Variants in GNA12 observed in about 807,000 individuals in gnomAD.
The protein encoded by GNA12 is G protein subunit alpha 12.
A neutral mutation model predicts 26.0 loss-of-function variants in GNA12; 9 were observed. That is an observed-to-expected ratio of 0.35 (90% CI 0.21 to 0.60). The LOEUF (loss-of-function observed/expected upper bound fraction) is 0.60, where lower values mean the gene tolerates loss of function less well. GNA12 is among the 20% of genes least tolerant of loss of function. The pLI is 0.78. For synonymous variants in GNA12, 264 were observed against 219.6 expected (o/e 1.20, Z -1.79); for missense variants, 405 against 525.8 (o/e 0.77, Z 2.25).
At chr7:2,839,442 G>A (rs1479582580) in intron 1 of GNA12, among the ~76,000 whole-genome samples, 2 of 152,126 alleles carry the variant, frequency 1.3e-5, no homozygotes, top group Admixed American at 6.5e-5. Flanking sequence ...GGAGTACAGT[G>A]GCGTGCTCTC....
intron 2 of GNA12, among the ~76,000 whole-genome samples, chr7:2,767,356 G>GT (rs1791833513): frequency 6.6e-6 from 1 of 152,026 alleles, no homozygotes; most frequent in South Asian, 2.1e-4. Context: ...TCTTCTAGGA[G>GT]TTTTAGTTTT....
intron 1 of GNA12, among the ~76,000 whole-genome samples, chr7:2,838,866 C>G (rs1369887969): frequency 1.3e-5 from 2 of 152,032 alleles, no homozygotes; most frequent in Non-Finnish European, 2.9e-5. Context: ...ATTTATGCAC[C>G]ACACAACAGA....
rs1244528880 is a variant in GNA12, at chr7:2,729,633, AGG to A, written c.*1546_*1547del. On this transcript the variant is annotated 3_prime_UTR_variant, in exon 4 of 4. Coordinates refer to ENST00000275364, the MANE Select transcript of GNA12 (RefSeq NM_007353.3). Reference sequence around the variant, plus strand: ...TACCGGGTTTGCGGAAAACAAGCCAAGGGTGAGCTGCAGAGGGGCTCGGGGCT... The same window carrying A: ...TACCGGGTTTGCGGAAAACAAGCCAAGTGAGCTGCAGAGGGGCTCGGGGCT... The A allele has an allele frequency of 6.6e-6, 1 of 152,174 alleles. No individual in the cohort carries two copies. The highest frequency in any genetic ancestry group is 2.4e-5 in the African/African-American group (1 of 41,264). The allele number at this position is 152,174 out of a possible 1,614,324, so 9.4% of individuals were successfully genotyped here. A position where few individuals can be genotyped will look rare whatever the true frequency, so the allele number is the denominator to read the frequency against.
At position 2,729,354 on chromosome 7, in the gene GNA12, C is replaced by T. The variant is rs747258901; in HGVS notation, c.*1827G>A. On this transcript the variant is annotated 3_prime_UTR_variant, in exon 4 of 4. Transcript: ENST00000275364. The stretch of plus-strand genomic sequence containing the variant: ...CAGGAGCTCTCTTTCTCCTTTAAAA[C>T]GTGGTCATCGGCACTCATCTCCGGT... 5.9e-5 allele frequency: 9 copies of T among 152,492 alleles called. No homozygotes were observed. Among genetic ancestry groups the T allele is most frequent in the Admixed American group, 2.0e-4 (3 of 15,306 alleles). The allele number at this position is 152,492 out of a possible 1,614,324, so 9.4% of individuals were successfully genotyped here. A position where few individuals can be genotyped will look rare whatever the true frequency, so the allele number is the denominator to read the frequency against.
intron 2 of GNA12, chr7:2,762,549 G>C (rs187896591): frequency 1.5e-6 from 2 of 1,335,786 alleles, no homozygotes; most frequent in Non-Finnish European, 1.0e-6. Context: ...TTCTATTCTG[G>C]AGTTAGATCC....
chr7:2,831,901 G>C (rs1426176174), intron 1 of GNA12, among the ~76,000 whole-genome samples: 2 of 152,164 alleles, frequency 1.3e-5, no homozygotes, highest in African/African-American at 4.8e-5. Flanking sequence ...CGGAAGGCAG[G>C]TGAGACTTTA....
At chr7:2,812,586 G>A (rs1001401538) in intron 1 of GNA12, among the ~76,000 whole-genome samples, 5 of 140,850 alleles carry the variant, frequency 3.5e-5, no homozygotes, top group Non-Finnish European at 1.6e-5. Context: ...ACAAGATTGT[G>A]CCACTGCATT....
intron 1 of GNA12, among the ~76,000 whole-genome samples, chr7:2,825,108 A>C (rs1289124128): frequency 6.6e-6 from 1 of 152,236 alleles, no homozygotes; most frequent in East Asian, 1.9e-4. Flanking sequence ...GACAGGTTAC[A>C]ACAATTTACA....
chr7:2,762,665 T>TAAATCATTTGG, intron 2 of GNA12: 1 of 1,598,892 alleles, frequency 6.3e-7, no homozygotes, highest in Non-Finnish European at 8.5e-7. Context: ...GATGAGAGGA[T>TAAATCATTTGG]AAATCATTTG....
intron 1 of GNA12, among the ~76,000 whole-genome samples, chr7:2,809,220 T>G (rs1014868076): frequency 3.3e-5 from 5 of 151,970 alleles, no homozygotes; most frequent in African/African-American, 1.2e-4. Context: ...TTCACACCCG[T>G]GTCCCCAGGG....
chr7:2,799,778 G>C (rs1792764526), intron 1 of GNA12, among the ~76,000 whole-genome samples: 1 of 152,144 alleles, frequency 6.6e-6, no homozygotes, highest in African/African-American at 2.4e-5. Flanking sequence ...AAGATCACCA[G>C]CCATCAGGAA....
intron 1 of GNA12, among the ~76,000 whole-genome samples, chr7:2,832,106 G>A (rs189285803): frequency 6.6e-6 from 1 of 152,200 alleles, no homozygotes; most frequent in East Asian, 1.9e-4. Flanking sequence ...CCTGATTTTG[G>A]CCCCAGGACA....
chr7:2,752,140 T>A (rs1048522291), intron 2 of GNA12, among the ~76,000 whole-genome samples: 1 of 151,812 alleles, frequency 6.6e-6, no homozygotes, highest in African/African-American at 2.4e-5. Context: ...AAAATGTCAA[T>A]AGAAGACAGC....
intron 2 of GNA12, among the ~76,000 whole-genome samples, chr7:2,780,074 A>G (rs934746079): frequency 8.2e-5 from 11 of 134,068 alleles, no homozygotes; most frequent in South Asian, 2.4e-4. Context: ...ATATATATAT[A>G]TATATATATA....
intron 1 of GNA12, among the ~76,000 whole-genome samples, chr7:2,822,872 C>G (rs1447132780): frequency 6.6e-6 from 1 of 152,164 alleles, no homozygotes; most frequent in East Asian, 1.9e-4. Flanking sequence ...GATAAACACT[C>G]AACCCCCTCA....
chr7:2,814,874 C>A, intron 1 of GNA12: 2 of 1,602,022 alleles, frequency 1.2e-6, no homozygotes, highest in East Asian at 2.3e-5. Flanking sequence ...AGCACTCACT[C>A]ACACGACTGC....
At chr7:2,773,353 G>C (rs954757567) in intron 2 of GNA12, among the ~76,000 whole-genome samples, 1 of 152,158 alleles carries the variant, frequency 6.6e-6, no homozygotes, top group Non-Finnish European at 1.5e-5. Flanking sequence ...ACCTGAGGTT[G>C]GGAGTTTGAG....
intron 1 of GNA12, among the ~76,000 whole-genome samples, chr7:2,817,449 G>C (rs577067251): frequency 1.3e-5 from 2 of 152,134 alleles, no homozygotes; most frequent in Admixed American, 1.3e-4. Context: ...TACACAGCCT[G>C]CAAGACTGTA....
chr7:2,844,194 G>T lies in GNA12; in HGVS notation c.-33C>A, dbSNP rs932856931. ...CAGGCCGCGGCCGCGCCCCGCCGGCGCCCGGGGGCCATGGACGCTCCCGCC... is the reference window on the plus strand; with the variant it reads ...CAGGCCGCGGCCGCGCCCCGCCGGCTCCCGGGGGCCATGGACGCTCCCGCC... On this transcript the variant is annotated 5_prime_UTR_variant, in exon 1 of 4. Coordinates refer to ENST00000275364, the MANE Select transcript of GNA12 (RefSeq NM_007353.3). 3.1e-6 allele frequency: 3 copies of T among 968,102 alleles called. No individual in the cohort carries two copies. Among genetic ancestry groups the T allele is most frequent in the Non-Finnish European group, 3.7e-6 (3 of 816,758 alleles). 60.0% of individuals were successfully genotyped at this position (968,102 alleles called of 1,614,324 possible).
Sources: allele counts gnomAD v4.1 joint callset (sites outside exome capture counted in the v4.1 genomes callset), GRCh38; gene constraint gnomAD v4.1.1; transcripts MANE v1.5; gene names NCBI Gene and HGNC (gene_info 2026-07-23, HGNC 2026-07-21).